The following PHTF2 variants were observed in gnomAD, a reference collection of about 807,000 sequenced individuals.
PHTF2 encodes protein PHTF2.
A neutral mutation model predicts 101.2 loss-of-function variants in PHTF2; 60 were observed. That is an observed-to-expected ratio of 0.59 (90% CI 0.48 to 0.73). The LOEUF (loss-of-function observed/expected upper bound fraction) is 0.73, where lower values mean the gene tolerates loss of function less well. Among genes scored for constraint, PHTF2 ranks in the 30% least tolerant of loss-of-function variants. The pLI is 0.00. For synonymous variants in PHTF2, 311 were observed against 307.3 expected (o/e 1.01, Z -0.13); for missense variants, 747 against 908.7 (o/e 0.82, Z 2.29).
At chr7:77,935,127 C>CG (rs1382052886) in intron 12 of PHTF2, among the ~76,000 whole-genome samples, 3 of 68,386 alleles carry the variant, frequency 4.4e-5, no homozygotes, top group African/African-American at 1.3e-4. Context: ...CATTCCCCCC[C>CG]CCCACACACA....
chr7:77,827,556 C>T (rs997534313), intron 1 of PHTF2, among the ~76,000 whole-genome samples: 1 of 151,874 alleles, frequency 6.6e-6, no homozygotes, highest in Non-Finnish European at 1.5e-5. Flanking sequence ...GTTTCACCAT[C>T]TTGGCCAGGC....
At chr7:77,897,480 A>G (rs1800979724) in intron 5 of PHTF2, among the ~76,000 whole-genome samples, 1 of 151,678 alleles carries the variant, frequency 6.6e-6, no homozygotes, top group South Asian at 2.1e-4. Context: ...GCTTGTTTCT[A>G]CTTTCTAGTT....
At chr7:77,886,001 A>G (rs1298596686) in intron 3 of PHTF2, among the ~76,000 whole-genome samples, 1 of 152,210 alleles carries the variant, frequency 6.6e-6, no homozygotes, top group African/African-American at 2.4e-5. Flanking sequence ...CAGTATTATG[A>G]TGTATCTGTT....
chr7:77,899,998 C>A (rs979854711), intron 5 of PHTF2, among the ~76,000 whole-genome samples: 3 of 151,466 alleles, frequency 2.0e-5, no homozygotes, highest in Non-Finnish European at 4.4e-5. Context: ...TAGTTTTGAT[C>A]TACACCCCCC....
intron 16 of PHTF2, among the ~76,000 whole-genome samples, chr7:77,944,601 C>A (rs952408792): frequency 6.6e-6 from 1 of 152,170 alleles, no homozygotes. Context: ...TCAGCCTAGA[C>A]CTCACGGGAA....
chr7:77,949,881 A>G, intron 17 of PHTF2, 48 bp downstream of exon 16: 1 of 995,816 alleles, frequency 1.0e-6, no homozygotes, highest in Non-Finnish European at 1.4e-6. Flanking sequence ...TATAAGTTAA[A>G]ATGTTTTCAT....
At chr7:77,881,407 A>G (rs938209456) in intron 3 of PHTF2, among the ~76,000 whole-genome samples, 11 of 152,142 alleles carry the variant, frequency 7.2e-5, no homozygotes, top group Admixed American at 6.6e-4. Context: ...AATTGACCAC[A>G]TAACATCCAA....
At chr7:77,919,857 G>A (rs1803280924) in intron 9 of PHTF2, among the ~76,000 whole-genome samples, 1 of 152,048 alleles carries the variant, frequency 6.6e-6, no homozygotes, top group Non-Finnish European at 1.5e-5. Context: ...AAAATGAGTT[G>A]TATACTAAAA....
At chr7:77,824,800 A>G (rs981713835) in intron 1 of PHTF2, among the ~76,000 whole-genome samples, 3 of 151,548 alleles carry the variant, frequency 2.0e-5, no homozygotes, top group African/African-American at 4.8e-5. Flanking sequence ...TGGGCTGCCA[A>G]GGTGGGAAGA....
chr7:77,860,900 C>G (rs1270171996), intron 3 of PHTF2, among the ~76,000 whole-genome samples: 1 of 152,036 alleles, frequency 6.6e-6, no homozygotes, highest in Non-Finnish European at 1.5e-5. Flanking sequence ...GATGGGGTCT[C>G]ACTCTGCTGC....
intron 12 of PHTF2, among the ~76,000 whole-genome samples, chr7:77,932,057 C>T (rs1725749): frequency 0.41 from 62,982 of 151,910 alleles, 15,068 homozygotes; most frequent in East Asian, 0.68. Context: ...GCTGAGATGG[C>T]GCTATTGCAC....
chr7:77,929,049 T>A, intron 11 of PHTF2, 60 bp from the exon 11 acceptor site: 1 of 1,236,884 alleles, frequency 8.1e-7, no homozygotes, highest in South Asian at 1.3e-5. Flanking sequence ...TCTGATAGTA[T>A]CCTTTGAGTT....
intron 1 of PHTF2, among the ~76,000 whole-genome samples, chr7:77,806,906 C>T (rs2150473985): frequency 6.6e-6 from 1 of 152,168 alleles, no homozygotes; most frequent in Middle Eastern, 3.4e-3. Flanking sequence ...TAACAGTATA[C>T]TCTGTTTCCC....
intron 11 of PHTF2, among the ~76,000 whole-genome samples, chr7:77,925,429 A>G (rs1215740889): frequency 6.6e-6 from 1 of 151,136 alleles, no homozygotes; most frequent in African/African-American, 2.4e-5. Flanking sequence ...TTCACTATTA[A>G]TCACACAAAT....
chr7:77,954,628 A>AT (rs1562982810), intron 19 of PHTF2, among the ~76,000 whole-genome samples: 1 of 144,736 alleles, frequency 6.9e-6, no homozygotes, highest in Non-Finnish European at 1.5e-5. Context: ...ATATATATAT[A>AT]TATATATATA....
At chr7:77,932,000 T>C (rs1216293237) in intron 12 of PHTF2, among the ~76,000 whole-genome samples, 1 of 152,152 alleles carries the variant, frequency 6.6e-6, no homozygotes, top group African/African-American at 2.4e-5. Flanking sequence ...CTCTGGAAGC[T>C]GAGGCATAAG....
intron 1 of PHTF2, among the ~76,000 whole-genome samples, chr7:77,825,619 C>T (rs1416332029): frequency 1.2e-4 from 19 of 152,258 alleles, no homozygotes; most frequent in Admixed American, 9.8e-4. Flanking sequence ...TTTTCTGTGT[C>T]GTTGGATTAT....
chr7:77,915,123 G>C (rs1802787205), intron 9 of PHTF2, among the ~76,000 whole-genome samples: 1 of 151,916 alleles, frequency 6.6e-6, no homozygotes, highest in African/African-American at 2.4e-5. Context: ...TGTTGGCTGG[G>C]ATGGTCTTGA....
chr7:77,835,671 T>C (rs1163797415), intron 1 of PHTF2, among the ~76,000 whole-genome samples: 1 of 152,182 alleles, frequency 6.6e-6, no homozygotes, highest in Non-Finnish European at 1.5e-5. Context: ...GCTGTAACTT[T>C]TGAATCCCCC....
Sources: gnomAD v4.1 joint callset for allele counts (sites outside exome capture counted in the v4.1 genomes callset) on GRCh38, gnomAD v4.1.1 for gene constraint, MANE v1.5 for transcripts, NCBI Gene and HGNC (gene_info 2026-07-23, HGNC 2026-07-21) for gene names.